Variants in DSCAM observed in about 807,000 individuals in gnomAD.
The protein encoded by DSCAM is cell adhesion molecule DSCAM.
A neutral mutation model predicts 217.7 loss-of-function variants in DSCAM; 47 were observed. The observed-to-expected ratio is 0.22, with a 90% CI of 0.17 to 0.28. The LOEUF is 0.28. Among genes scored for constraint, DSCAM ranks in the 10% least tolerant of loss-of-function variants. DSCAM has a pLI of 1.00. For missense variants in DSCAM, 2,080 were observed against 2,618.3 expected (o/e 0.79, Z 4.49); for synonymous variants, 1,056 against 1,015.3 (o/e 1.04, Z -0.76).
intron 3 of DSCAM, among the ~76,000 whole-genome samples, chr21:40,682,419 G>C (rs2090411992): frequency 6.6e-6 from 1 of 151,732 alleles, no homozygotes; most frequent in Non-Finnish European, 1.5e-5. Flanking sequence ...AGGCAGTGTA[G>C]TTGGATACAA....
chr21:40,757,668 C>T (rs757484759), intron 1 of DSCAM, among the ~76,000 whole-genome samples: 5 of 152,282 alleles, frequency 3.3e-5, no homozygotes, highest in African/African-American at 4.8e-5. Flanking sequence ...GCCTGCCATC[C>T]GATTTGAAGC....
chr21:40,674,626 CTTTTTCTTTTTTTTTTT>C (rs1460285421), intron 3 of DSCAM, among the ~76,000 whole-genome samples: 1 of 105,900 alleles, frequency 9.4e-6, no homozygotes, highest in Non-Finnish European at 1.8e-5. Flanking sequence ...TTTTCTTTTT[CTTTTTCTTTTTTTTTTT>C]TTTTTTTGAG....
intron 11 of DSCAM, among the ~76,000 whole-genome samples, chr21:40,242,632 C>G (rs1389787872): frequency 6.6e-6 from 1 of 152,182 alleles, no homozygotes; most frequent in Non-Finnish European, 1.5e-5. Context: ...GTGTGGCTTC[C>G]AGGCTGGAAG....
At chr21:40,738,787 G>A (rs75660914) in intron 1 of DSCAM, among the ~76,000 whole-genome samples, 3,320 of 152,306 alleles carry the variant, frequency 0.022, 128 homozygotes, top group African/African-American at 0.076. Flanking sequence ...CAAAGTCCTA[G>A]AACCAGATAG....
At chr21:40,556,675 CA>C (rs1389592984) in intron 3 of DSCAM, among the ~76,000 whole-genome samples, 1 of 131,788 alleles carries the variant, frequency 7.6e-6, no homozygotes, top group Non-Finnish European at 1.7e-5. Flanking sequence ...GGGGAGGTAC[CA>C]GAATCTTTTT....
intron 10 of DSCAM, among the ~76,000 whole-genome samples, chr21:40,289,977 T>C (rs1298325044): frequency 1.3e-5 from 2 of 152,004 alleles, no homozygotes; most frequent in African/African-American, 4.8e-5. Context: ...AGAAAAAATA[T>C]AAACTCACAG....
At position 40,312,366 on chromosome 21, in the gene DSCAM, G is replaced by GA. The variant is rs769620681; in HGVS notation, c.1784-8dup. 6.2e-6 allele frequency: 10 copies of GA among 1,610,784 alleles called. No homozygotes were observed. The highest frequency in any genetic ancestry group is 5.0e-5 in the Admixed American group (3 of 59,492). On this transcript the variant is annotated splice_region_variant and splice_polypyrimidine_tract_variant and intron_variant, in intron 8 of 32. Coordinates refer to ENST00000400454, the MANE Select transcript of DSCAM (RefSeq NM_001389.5). ...GGTTGTATGAAAGGCGGAACTGCAA[G>GA]AAAAAAGAAAGATAATAACGAACTG...
At chr21:40,721,031 A>G (rs960634439) in intron 1 of DSCAM, among the ~76,000 whole-genome samples, 2 of 152,222 alleles carry the variant, frequency 1.3e-5, no homozygotes, top group Admixed American at 6.5e-5. Context: ...GGGAGAAAAT[A>G]GTTCATGTTT....
At chr21:40,238,557 CAG>C (rs915923223) in intron 11 of DSCAM, among the ~76,000 whole-genome samples, 1 of 152,192 alleles carries the variant, frequency 6.6e-6, no homozygotes, top group African/African-American at 2.4e-5. Context: ...AGGAGGAAGA[CAG>C]AGACAACCAA....
At chr21:40,832,927 TCA>T (rs2123649937) in intron 1 of DSCAM, among the ~76,000 whole-genome samples, 1 of 15,118 alleles carries the variant, frequency 6.6e-5, no homozygotes, top group African/African-American at 2.0e-4. Flanking sequence ...TTAACGAACC[TCA>T]CCTCAAAAAA....
intron 11 of DSCAM, among the ~76,000 whole-genome samples, chr21:40,196,664 T>A (rs956769927): frequency 6.6e-6 from 1 of 151,980 alleles, no homozygotes; most frequent in Non-Finnish European, 1.5e-5. Context: ...CTTCTTCACT[T>A]TCCCCTCTCT....
At chr21:40,568,424 T>C (rs562237416) in intron 3 of DSCAM, among the ~76,000 whole-genome samples, 1 of 152,232 alleles carries the variant, frequency 6.6e-6, no homozygotes, top group Non-Finnish European at 1.5e-5. Flanking sequence ...CAAAAAGGAG[T>C]TCTCCCAGGT....
At chr21:40,488,282 G>C (rs2076046933) in intron 3 of DSCAM, among the ~76,000 whole-genome samples, 1 of 152,216 alleles carries the variant, frequency 6.6e-6, no homozygotes, top group African/African-American at 2.4e-5. Context: ...TCCGCAGCAA[G>C]GGCTGCTCTG....
chr21:40,632,240 G>C (rs2089701371), intron 3 of DSCAM, among the ~76,000 whole-genome samples: 1 of 151,572 alleles, frequency 6.6e-6, no homozygotes, highest in African/African-American at 2.4e-5. Flanking sequence ...GACAAATCCA[G>C]CTATTGTAGC....
intron 32 of DSCAM, among the ~76,000 whole-genome samples, chr21:40,020,735 C>T (rs776900163): frequency 4.6e-5 from 7 of 152,188 alleles, no homozygotes; most frequent in East Asian, 1.9e-4. Flanking sequence ...CCCGCACTGC[C>T]GGTTCCTTCC....
At chr21:40,402,550 T>C (rs1380444035) in intron 3 of DSCAM, among the ~76,000 whole-genome samples, 3 of 152,080 alleles carry the variant, frequency 2.0e-5, no homozygotes, top group African/African-American at 4.8e-5. Context: ...GGGAGTAAAC[T>C]ATCTATATAT....
At chr21:40,357,871 C>CA (rs2074713141) in intron 4 of DSCAM, among the ~76,000 whole-genome samples, 3 of 139,492 alleles carry the variant, frequency 2.2e-5, no homozygotes, top group African/African-American at 8.4e-5. Flanking sequence ...TAAAAAAAAA[C>CA]AAAAACAAAA....
chr21:40,505,179 G>T (rs1446680167), intron 3 of DSCAM, among the ~76,000 whole-genome samples: 1 of 152,178 alleles, frequency 6.6e-6, no homozygotes, highest in African/African-American at 2.4e-5. Flanking sequence ...AGTGGAAGTG[G>T]ATTTAGCCTA....
At chr21:40,417,339 T>A (rs954575150) in intron 3 of DSCAM, among the ~76,000 whole-genome samples, 2 of 152,220 alleles carry the variant, frequency 1.3e-5, no homozygotes, top group African/African-American at 4.8e-5. Context: ...CATTAACTCG[T>A]CATTTACAGA....
Sources: gnomAD v4.1 joint callset for allele counts (sites outside exome capture counted in the v4.1 genomes callset) on GRCh38, gnomAD v4.1.1 for gene constraint, MANE v1.5 for transcripts, NCBI Gene and HGNC (gene_info 2026-07-23, HGNC 2026-07-21) for gene names.